The following SPIDR variants were observed in gnomAD, a reference collection of about 807,000 sequenced individuals.
SPIDR encodes the protein scaffold protein involved in DNA repair.
A neutral mutation model predicts 104.6 loss-of-function variants in SPIDR; 93 were observed. That is an observed-to-expected ratio of 0.89 (90% CI 0.75 to 1.06). The LOEUF (loss-of-function observed/expected upper bound fraction) is 1.06. Ranked by LOEUF, SPIDR falls within the 50% of genes least tolerant of loss-of-function variation. The pLI is 0.00. For missense variants in SPIDR, 1,154 were observed against 1,111.2 expected (o/e 1.04, Z -0.55); for synonymous variants, 431 against 416.9 (o/e 1.03, Z -0.41).
Position 47,284,391 on chromosome 8 carries a change from G to A in SPIDR, c.256+297G>A, listed in dbSNP as rs2038403461. On this transcript the variant is annotated intron_variant, in intron 3 of 19. Coordinates refer to ENST00000297423, the MANE Select transcript of SPIDR (RefSeq NM_001080394.4). ...GTTAGCTCATGCTCATAGCTCCAGG[G>A]TTTTGTTTGTTTGTTTGTTTGTTTG... is the stretch of plus-strand genomic sequence containing the variant. Among the ~76,000 whole-genome samples the A allele has an allele frequency of 2.6e-5, 4 of 151,786 alleles. No homozygotes were observed. In the South Asian group the frequency reaches 8.3e-4, roughly 32 times the overall value.
chr8:47,510,951 G>A, intron 8 of SPIDR: 1 of 629,502 alleles, frequency 1.6e-6, no homozygotes, highest in Non-Finnish European at 2.9e-6. Context: ...GTGTACAAGG[G>A]GGCAGGAGGG....
At chr8:47,361,154 T>A (rs1246857480) in intron 5 of SPIDR, among the ~76,000 whole-genome samples, 1 of 152,208 alleles carries the variant, frequency 6.6e-6, no homozygotes, top group Non-Finnish European at 1.5e-5. Flanking sequence ...ATCTGTAAAT[T>A]GGAAATGGTA....
intron 5 of SPIDR, among the ~76,000 whole-genome samples, chr8:47,355,322 A>AT (rs5891238): frequency 0.57 from 77,501 of 135,336 alleles, 23,915 homozygotes; most frequent in Admixed American, 0.72. Flanking sequence ...GGAATGTGTG[A>AT]TTTTTTTTTT....
chr8:47,649,658 AAC>A (rs1450802403), intron 10 of SPIDR, among the ~76,000 whole-genome samples: 1 of 152,170 alleles, frequency 6.6e-6, no homozygotes, highest in Non-Finnish European at 1.5e-5. Flanking sequence ...TTGTAGGAAA[AAC>A]ACACAAAAGT....
intron 7 of SPIDR, among the ~76,000 whole-genome samples, chr8:47,420,939 C>T (rs187390204): frequency 1.4e-3 from 213 of 152,320 alleles, no homozygotes; most frequent in Admixed American, 2.6e-3. Flanking sequence ...ATATTGGCCC[C>T]CATTATCTTC....
intron 5 of SPIDR, among the ~76,000 whole-genome samples, chr8:47,368,480 A>G (rs1250292486): frequency 1.3e-5 from 2 of 151,760 alleles, no homozygotes; most frequent in Non-Finnish European, 2.9e-5. Flanking sequence ...ATTAAAAAGC[A>G]GATCCTTGGA....
intron 7 of SPIDR, among the ~76,000 whole-genome samples, chr8:47,429,440 C>T (rs1310363617): frequency 2.0e-5 from 3 of 152,178 alleles, no homozygotes; most frequent in African/African-American, 7.2e-5. Flanking sequence ...GGGCACCAGG[C>T]CTAAGACATG....
chr8:47,467,121 G>T (rs2074991560), intron 8 of SPIDR, among the ~76,000 whole-genome samples: 2 of 151,904 alleles, frequency 1.3e-5, no homozygotes, highest in Non-Finnish European at 2.9e-5. Flanking sequence ...TAGAGGGAAT[G>T]GATAAATTCC....
At chr8:47,641,212 T>C (rs2068921969) in intron 10 of SPIDR, among the ~76,000 whole-genome samples, 1 of 151,784 alleles carries the variant, frequency 6.6e-6, no homozygotes, top group South Asian at 2.1e-4. Flanking sequence ...CAGACTGGAG[T>C]GCAGTGACAT....
In SPIDR at chr8:47,444,999, G is replaced by C. The variant is rs188366828; in HGVS notation, c.1097+4457G>C. ...TAGGAACTGTTTTAGTATAGTAAAG[G>C]GTATGTGTTTCGTTTTTGCTGTTGC... On this transcript the variant is annotated intron_variant, in intron 8 of 19. Coordinates refer to ENST00000297423, the MANE Select transcript of SPIDR (RefSeq NM_001080394.4). Among the ~76,000 whole-genome samples, 3 of 152,244 alleles carry C rather than the reference G, an allele frequency of 2.0e-5. No homozygotes were observed. In the East Asian group the frequency reaches 5.8e-4, roughly 29 times the overall value.
chr8:47,644,680 C>G (rs1232753698), intron 10 of SPIDR, among the ~76,000 whole-genome samples: 1 of 152,124 alleles, frequency 6.6e-6, no homozygotes, highest in Admixed American at 6.5e-5. Context: ...ACTCAAAAAG[C>G]ACTTAGAACA....
At chr8:47,555,298 A>C (rs1587695725) in intron 8 of SPIDR, among the ~76,000 whole-genome samples, 1 of 152,224 alleles carries the variant, frequency 6.6e-6, no homozygotes, top group Admixed American at 6.5e-5. Flanking sequence ...ACTTTCTCAA[A>C]GAATTGAGAA....
chr8:47,482,842 T>G (rs1481887432), intron 8 of SPIDR, among the ~76,000 whole-genome samples: 2 of 152,080 alleles, frequency 1.3e-5, no homozygotes, highest in Admixed American at 1.3e-4. Context: ...TTTGTTTTGT[T>G]TTGTTTTGTT....
chr8:47,629,622 A>G (rs2066746186), intron 10 of SPIDR, among the ~76,000 whole-genome samples: 1 of 152,230 alleles, frequency 6.6e-6, no homozygotes, highest in South Asian at 2.1e-4. Flanking sequence ...GTGTGGCGGC[A>G]TGAACCTGTA....
intron 11 of SPIDR, among the ~76,000 whole-genome samples, chr8:47,677,688 C>A (rs1477348049): frequency 6.6e-6 from 1 of 152,060 alleles, no homozygotes; most frequent in African/African-American, 2.4e-5. Flanking sequence ...CCCTTTCAAC[C>A]CAAAACAGGA....
chr8:47,329,337 C>T (rs2048263929), intron 5 of SPIDR, among the ~76,000 whole-genome samples: 1 of 152,154 alleles, frequency 6.6e-6, no homozygotes, highest in South Asian at 2.1e-4. Context: ...TCCCAAAGTG[C>T]TGGGATTACA....
chr8:47,712,036 C>A (rs1338244713), intron 14 of SPIDR, among the ~76,000 whole-genome samples: 1 of 152,174 alleles, frequency 6.6e-6, no homozygotes, highest in Non-Finnish European at 1.5e-5. Context: ...TGCTGACCAT[C>A]CTTGGCCCCA....
At chr8:47,380,747 A>G (rs543413961) in intron 5 of SPIDR, among the ~76,000 whole-genome samples, 3 of 152,276 alleles carry the variant, frequency 2.0e-5, no homozygotes, top group Non-Finnish European at 4.4e-5. Flanking sequence ...CAGAGGTGTA[A>G]CTATGGGTGT....
At chr8:47,298,989 A>T (rs1172781817) in intron 5 of SPIDR, among the ~76,000 whole-genome samples, 2 of 152,206 alleles carry the variant, frequency 1.3e-5, no homozygotes, top group African/African-American at 2.4e-5. Context: ...AATTCTGTGC[A>T]GAAAGTCATT....
Sources: allele counts gnomAD v4.1 joint callset (sites outside exome capture counted in the v4.1 genomes callset), GRCh38; gene constraint gnomAD v4.1.1; transcripts MANE v1.5; gene names NCBI Gene and HGNC (gene_info 2026-07-23, HGNC 2026-07-21).